The following SENP7 variants were observed in gnomAD, a reference collection of about 807,000 sequenced individuals.
The protein encoded by SENP7 is sentrin-specific protease 7.
A neutral mutation model predicts 141.2 loss-of-function variants in SENP7; 64 were observed. The observed-to-expected ratio is 0.45, with a 90% CI of 0.37 to 0.56. The LOEUF is 0.56. Among genes scored for constraint, SENP7 ranks in the 20% least tolerant of loss-of-function variants. SENP7 has a pLI of 0.00. For synonymous variants in SENP7, 382 were observed against 426.4 expected, an observed-to-expected ratio of 0.90 and a Z score of 1.28; for missense variants, 1,025 against 1,212.2, an observed-to-expected ratio of 0.85 and a Z score of 2.29.
At chr3:101,474,115 T>C (rs2064120471) in intron 3 of SENP7, among the ~76,000 whole-genome samples, 2 of 151,688 alleles carry the variant, frequency 1.3e-5, no homozygotes, top group South Asian at 4.1e-4. Flanking sequence ...AGCTTGAAGT[T>C]GGATAGCATG....
chr3:101,327,753 C>G lies in SENP7; in HGVS notation c.2928G>C (p.Met976Ile). The G allele has an allele frequency of 1.9e-6, 3 of 1,611,326 alleles. No homozygotes were observed. Among genetic ancestry groups the G allele is most frequent in the Non-Finnish European group, 2.5e-6 (3 of 1,178,338 alleles). Residue 976 changes from methionine to isoleucine, a missense_variant, in exon 23 of 24, where the codon ATG (methionine) becomes ATC (isoleucine). Met to Ile is a conservative substitution (Grantham distance 10, BLOSUM62 1). Around this residue, in one of 4 missense-constraint regions of SENP7, gnomAD observed 295 missense variants for 459.1 expected, o/e 0.64. Coordinates refer to ENST00000394095, the MANE Select transcript of SENP7 (RefSeq NM_020654.5). ...KTHRQFSKTN[M>I]VDLCPKVPKQ... is the part of the protein sequence containing the mutation. ...TAGGAACTTTAGGGCATAGATCCACCATGTTTGTTTTGCTGAATTGACGAT... is the reference window on the plus strand; with the variant it reads ...TAGGAACTTTAGGGCATAGATCCACGATGTTTGTTTTGCTGAATTGACGAT...
chr3:101,487,950 T>C (rs2064799745), intron 3 of SENP7, among the ~76,000 whole-genome samples: 1 of 152,212 alleles, frequency 6.6e-6, no homozygotes, highest in Admixed American at 6.5e-5. Context: ...TGGGCTCTTT[T>C]TTGTTCCATA....
At chr3:101,373,102 A>G (rs927143281) in intron 6 of SENP7, among the ~76,000 whole-genome samples, 4 of 152,144 alleles carry the variant, frequency 2.6e-5, no homozygotes, top group African/African-American at 7.2e-5. Context: ...AAGCTACAGT[A>G]TCCAAACATC....
chr3:101,414,479 A>C, intron 5 of SENP7: 1 of 1,512,272 alleles, frequency 6.6e-7, no homozygotes. Context: ...CAATGCAACA[A>C]CAAAGCCAAA....
intron 1 of SENP7, among the ~76,000 whole-genome samples, chr3:101,503,334 T>C (rs756771266): frequency 1.4e-4 from 22 of 152,248 alleles, no homozygotes; most frequent in Non-Finnish European, 2.2e-4. Flanking sequence ...CACCAGCATC[T>C]ACTGAAGTTA....
intron 2 of SENP7, 84 bp from the exon 3 acceptor site, chr3:101,494,052 G>A: frequency 1.6e-6 from 1 of 639,490 alleles, no homozygotes; most frequent in Non-Finnish European, 2.7e-6. Flanking sequence ...ATACTACCCT[G>A]CATCAATAAT....
intron 4 of SENP7, among the ~76,000 whole-genome samples, chr3:101,445,661 C>A (rs553081640): frequency 6.6e-6 from 1 of 152,036 alleles, no homozygotes; most frequent in Admixed American, 6.5e-5. Flanking sequence ...TAGATAAAGA[C>A]ACACATAAAC....
intron 1 of SENP7, among the ~76,000 whole-genome samples, chr3:101,510,871 C>A (rs949461428): frequency 1.5e-5 from 2 of 129,642 alleles, no homozygotes; most frequent in African/African-American, 2.8e-5. Context: ...AAAGTCACTT[C>A]ATTTGGGTTC....
intron 4 of SENP7, among the ~76,000 whole-genome samples, chr3:101,422,901 A>G (rs540648925): frequency 6.6e-6 from 1 of 152,328 alleles, no homozygotes; most frequent in South Asian, 2.1e-4. Flanking sequence ...AAATTTTTCA[A>G]CAAAAGTAGT....
intron 5 of SENP7, among the ~76,000 whole-genome samples, chr3:101,409,733 A>G (rs1261237313): frequency 6.6e-6 from 1 of 152,250 alleles, no homozygotes; most frequent in Non-Finnish European, 1.5e-5. Context: ...GGCTAGCCAC[A>G]TGTAGGAGAA....
intron 2 of SENP7, among the ~76,000 whole-genome samples, chr3:101,497,498 T>C (rs1206786921): frequency 6.6e-6 from 1 of 151,010 alleles, no homozygotes; most frequent in African/African-American, 2.4e-5. Context: ...AAATATACAG[T>C]GTCAGAAAGT....
chr3:101,438,407 G>C (rs1188349903), intron 4 of SENP7, among the ~76,000 whole-genome samples: 2 of 152,140 alleles, frequency 1.3e-5, no homozygotes, highest in East Asian at 1.9e-4. Flanking sequence ...GTGGTCATAA[G>C]GGGAATGGGG....
intron 11 of SENP7, among the ~76,000 whole-genome samples, 175 bp downstream of exon 11, chr3:101,361,540 G>A (rs531373679): frequency 1.3e-5 from 2 of 151,618 alleles, no homozygotes; most frequent in Non-Finnish European, 2.9e-5. Context: ...ATTTTAGGAG[G>A]GGAGAATGAA....
At chr3:101,460,406 A>C (rs1367613079) in intron 3 of SENP7, among the ~76,000 whole-genome samples, 1 of 152,230 alleles carries the variant, frequency 6.6e-6, no homozygotes, top group Non-Finnish European at 1.5e-5. Context: ...TAGGACCAAT[A>C]ATTGATTTTC....
At chr3:101,380,004 T>C (rs568487807) in intron 6 of SENP7, among the ~76,000 whole-genome samples, 9 of 152,318 alleles carry the variant, frequency 5.9e-5, no homozygotes, top group African/African-American at 1.7e-4. Flanking sequence ...AGGAAGAACA[T>C]TCTGACACAT....
At chr3:101,332,176 A>C in intron 18 of SENP7, 67 bp from the exon 19 acceptor site, 1 of 1,444,410 alleles carries the variant, frequency 6.9e-7, no homozygotes, top group Non-Finnish European at 9.4e-7. Flanking sequence ...TATTCTAGAG[A>C]TACATCTGAG....
intron 23 of SENP7, 90 bp from the exon 24 acceptor site, chr3:101,326,170 T>C (rs1231923060): frequency 9.5e-7 from 1 of 1,047,850 alleles, no homozygotes; most frequent in African/African-American, 1.6e-5. Flanking sequence ...GACAAATTGC[T>C]AACTTTTTTA....
At chr3:101,461,578 G>A (rs1213962988) in intron 3 of SENP7, among the ~76,000 whole-genome samples, 1 of 151,486 alleles carries the variant, frequency 6.6e-6, no homozygotes, top group Non-Finnish European at 1.5e-5. Context: ...AATGTAAATG[G>A]TACAGGTACC....
chr3:101,451,525 T>C (rs1379217693), intron 4 of SENP7, among the ~76,000 whole-genome samples: 2 of 152,240 alleles, frequency 1.3e-5, no homozygotes, highest in Non-Finnish European at 2.9e-5. Flanking sequence ...CATGATCAAG[T>C]GGGCTTCATC....
Sources: allele counts gnomAD v4.1 joint callset (sites outside exome capture counted in the v4.1 genomes callset), GRCh38; gene constraint gnomAD v4.1.1; regional missense constraint gnomAD v4.1.1; transcripts MANE v1.5; gene names NCBI Gene and HGNC (gene_info 2026-07-23, HGNC 2026-07-21).